The following DNAI4 variants were observed in gnomAD, a reference collection of about 807,000 sequenced individuals.
The protein encoded by DNAI4 is dynein axonemal intermediate chain 4.
A neutral mutation model predicts 105.8 loss-of-function variants in DNAI4; 85 were observed. The observed-to-expected ratio is 0.80, with a 90% CI of 0.67 to 0.96. DNAI4 has a LOEUF of 0.96. Among genes scored for constraint, DNAI4 ranks in the 40% least tolerant of loss-of-function variants. The pLI is 0.00. For synonymous variants in DNAI4, 352 were observed against 331.5 expected, an observed-to-expected ratio of 1.06 and a Z score of -0.67; for missense variants, 1,014 against 1,005.6, an observed-to-expected ratio of 1.01 and a Z score of -0.11.
chr1:66,857,795 A>G (rs1646534629), intron 7 of DNAI4, among the ~76,000 whole-genome samples: 1 of 152,026 alleles, frequency 6.6e-6, no homozygotes, highest in African/African-American at 2.4e-5. Context: ...CATGTTGGTC[A>G]GGCTGGTCTT....
intron 1 of DNAI4, among the ~76,000 whole-genome samples, chr1:66,911,404 T>C (rs773753023): frequency 2.0e-5 from 3 of 152,158 alleles, no homozygotes; most frequent in Admixed American, 6.5e-5. Context: ...GAAGGCATGA[T>C]TGATGAAACT....
chr1:66,822,191 A>G (rs889811344), intron 16 of DNAI4, among the ~76,000 whole-genome samples, 170 bp downstream of exon 16: 7 of 152,184 alleles, frequency 4.6e-5, no homozygotes, highest in Non-Finnish European at 1.0e-4. Context: ...CTGAAAAAAA[A>G]AAAATAACCC....
chr1:66,828,000 T>C lies in DNAI4; in HGVS notation c.2014-90A>G, dbSNP rs975378341. ...TTAGATATTTCTGGATCTATTAAAA[T>C]CAATTCAAGAACCCAAAATAAAAAC... is the stretch of plus-strand genomic sequence containing the variant. On this transcript the variant is annotated intron_variant, in intron 13 of 16. Transcript: ENST00000371026. 4 of 788,768 alleles carry C rather than the reference T, an allele frequency of 5.1e-6. No individual in the cohort carries two copies. The African/African-American group carries it at 7.1e-5, about 14-fold the overall frequency. The allele number at this position is 788,768 out of a possible 1,614,324, so 48.9% of individuals were successfully genotyped here.
At chr1:66,913,238 T>G (rs1200600868) in intron 1 of DNAI4, among the ~76,000 whole-genome samples, 1 of 152,180 alleles carries the variant, frequency 6.6e-6, no homozygotes, top group East Asian at 1.9e-4. Context: ...TCTTAATTTC[T>G]CCTCACAATT....
intron 16 of DNAI4, among the ~76,000 whole-genome samples, chr1:66,816,229 G>A (rs943959064): frequency 2.0e-5 from 3 of 152,050 alleles, no homozygotes; most frequent in East Asian, 1.9e-4. Context: ...CCAGAGTCCT[G>A]AAAGGCACTG....
Position 66,874,922 on chromosome 1 carries a change from C to G in DNAI4, c.659G>C (p.Arg220Thr). 2.5e-6 allele frequency: 4 copies of G among 1,594,622 alleles called. No individual in the cohort carries two copies. Among genetic ancestry groups the G allele is most frequent in the Non-Finnish European group, 3.4e-6 (4 of 1,175,146 alleles). The change falls in exon 5 of 17, where the codon AGG becomes ACG. Residue 220 changes from arginine to threonine, a missense_variant. Arg to Thr is a moderately conservative substitution (Grantham distance 71). Coordinates refer to ENST00000371026, the MANE Select transcript of DNAI4 (RefSeq NM_024763.5). ...LTSFTDLQVI[R>T]AAPEKIVTKE... ...TGTTACAATTTTTTCAGGTGCTGCC[C>G]TTATAACTTGCAAATCTAAAATACA... is the stretch of plus-strand genomic sequence containing the variant.
intron 7 of DNAI4, among the ~76,000 whole-genome samples, chr1:66,853,021 T>G (rs749937429): frequency 1.3e-5 from 2 of 152,172 alleles, no homozygotes; most frequent in Non-Finnish European, 2.9e-5. Context: ...ATAGCTACTC[T>G]CTAGAAGGGC....
intron 2 of DNAI4, among the ~76,000 whole-genome samples, chr1:66,897,244 A>G (rs1648411177): frequency 6.6e-6 from 1 of 152,220 alleles, no homozygotes; most frequent in South Asian, 2.1e-4. Flanking sequence ...ACAAACTAGG[A>G]TACCTGGCAA....
intron 7 of DNAI4, among the ~76,000 whole-genome samples, chr1:66,848,467 T>C (rs1416728470): frequency 2.0e-5 from 3 of 152,172 alleles, no homozygotes; most frequent in Non-Finnish European, 2.9e-5. Context: ...GTTCCAGGGA[T>C]TGGGGTGTGC....
At chr1:66,839,407 G>C (rs558392302) in intron 9 of DNAI4, among the ~76,000 whole-genome samples, 2 of 152,066 alleles carry the variant, frequency 1.3e-5, no homozygotes, top group Non-Finnish European at 2.9e-5. Flanking sequence ...GTGTTATTTA[G>C]GTTTCAATGG....
chr1:66,891,092 A>G, intron 4 of DNAI4, 62 bp downstream of exon 4: 2 of 1,239,540 alleles, frequency 1.6e-6, no homozygotes, highest in Non-Finnish European at 2.4e-6. Context: ...TATCCAACCA[A>G]TAATAAGCAT....
chr1:66,864,648 G>A (rs1340329622), intron 6 of DNAI4, among the ~76,000 whole-genome samples: 5 of 152,072 alleles, frequency 3.3e-5, no homozygotes, highest in Admixed American at 6.5e-5. Flanking sequence ...TCAAGAGATC[G>A]AGACCATCCT....
intron 15 of DNAI4, among the ~76,000 whole-genome samples, chr1:66,823,656 C>A (rs1645683898): frequency 6.8e-6 from 1 of 147,794 alleles, no homozygotes; most frequent in African/African-American, 2.5e-5. Context: ...TCTCTGATGG[C>A]CAGTGATGAT....
chr1:66,902,351 T>C (rs552769796), intron 2 of DNAI4, among the ~76,000 whole-genome samples: 1 of 152,312 alleles, frequency 6.6e-6, no homozygotes, highest in Admixed American at 6.6e-5. Context: ...TGTTGGTTAT[T>C]TGTACATCTT....
intron 1 of DNAI4, among the ~76,000 whole-genome samples, chr1:66,919,979 G>A (rs1210129675): frequency 6.6e-6 from 1 of 152,232 alleles, no homozygotes; most frequent in Non-Finnish European, 1.5e-5. Flanking sequence ...CTGGGCAGAA[G>A]AAGGCAGGTC....
intron 1 of DNAI4, among the ~76,000 whole-genome samples, chr1:66,906,001 G>A (rs191725834): frequency 1.4e-4 from 18 of 124,836 alleles, no homozygotes; most frequent in Admixed American, 4.5e-4. Flanking sequence ...TCGGCTCACC[G>A]CAACCTCCGC....
intron 4 of DNAI4, among the ~76,000 whole-genome samples, chr1:66,887,052 T>C (rs868518613): frequency 1.3e-5 from 2 of 152,074 alleles, no homozygotes; most frequent in African/African-American, 4.8e-5. Flanking sequence ...AGCTCAGATC[T>C]TTAGCTCAGA....
At chr1:66,836,301 AAAGAAAG>A (rs1646020001) in intron 10 of DNAI4, among the ~76,000 whole-genome samples, 2 of 150,734 alleles carry the variant, frequency 1.3e-5, no homozygotes, top group Non-Finnish European at 3.0e-5. Flanking sequence ...AGAAAGAAAG[AAAGAAAG>A]AAAGAAAGAA....
intron 12 of DNAI4, 121 bp downstream of exon 12, chr1:66,833,870 A>G: frequency 7.2e-7 from 1 of 1,397,488 alleles, no homozygotes; most frequent in Non-Finnish European, 9.5e-7. Flanking sequence ...TAGAAAAACC[A>G]TGACCAACCC....
Sources: gnomAD v4.1 joint callset for allele counts (sites outside exome capture counted in the v4.1 genomes callset) on GRCh38, gnomAD v4.1.1 for gene constraint, MANE v1.5 for transcripts, NCBI Gene and HGNC (gene_info 2026-07-23, HGNC 2026-07-21) for gene names.